Variants in MTMR2 observed in about 807,000 individuals in gnomAD.
MTMR2 encodes myotubularin related protein 2.
Under a neutral mutation model 86.9 loss-of-function variants are expected in MTMR2, and 55 were observed. The ratio of observed to expected loss-of-function variants is 0.63; its 90% CI spans 0.51 to 0.79. MTMR2 has a LOEUF of 0.79. Among genes scored for constraint, MTMR2 ranks in the 30% least tolerant of loss-of-function variants. The pLI is 0.00. For synonymous variants in MTMR2, 241 were observed against 266.8 expected (o/e 0.90, Z 0.94); for missense variants, 659 against 772.3 (o/e 0.85, Z 1.74).
At chr11:95,891,388 T>C (rs1402044399) in intron 1 of MTMR2, among the ~76,000 whole-genome samples, 3 of 151,294 alleles carry the variant, frequency 2.0e-5, no homozygotes, top group Non-Finnish European at 2.9e-5. Context: ...CAGGTAGAGG[T>C]TGCAGTGAGC....
intron 2 of MTMR2, among the ~76,000 whole-genome samples, chr11:95,874,241 T>C (rs1163294200): frequency 6.6e-6 from 1 of 152,236 alleles, no homozygotes; most frequent in Non-Finnish European, 1.5e-5. Flanking sequence ...AGTCTCTTTG[T>C]AGGTCTCTAA....
At chr11:95,880,906 C>T (rs1051942590) in intron 2 of MTMR2, among the ~76,000 whole-genome samples, 68 of 151,956 alleles carry the variant, frequency 4.5e-4, no homozygotes, top group African/African-American at 1.6e-3. Context: ...TCTTCACATA[C>T]GGAATTTGTC....
intron 2 of MTMR2, among the ~76,000 whole-genome samples, chr11:95,872,739 T>C (rs1266481692): frequency 1.3e-5 from 2 of 152,224 alleles, no homozygotes; most frequent in Non-Finnish European, 1.5e-5. Flanking sequence ...AGTATGATAC[T>C]GGCTGTGGGT....
chr11:95,900,310 A>G (rs1224793157), intron 1 of MTMR2, among the ~76,000 whole-genome samples: 1 of 152,168 alleles, frequency 6.6e-6, no homozygotes, highest in Non-Finnish European at 1.5e-5. Context: ...AAATCCATAA[A>G]ATGGAATTAT....
chr11:95,904,596 T>G (rs1226572321), intron 1 of MTMR2, among the ~76,000 whole-genome samples: 2 of 152,102 alleles, frequency 1.3e-5, no homozygotes, highest in African/African-American at 4.8e-5. Context: ...GTGACGGAGG[T>G]GACCTTTGGT....
At chr11:95,894,373 CAAAAT>C (rs1865811873) in intron 1 of MTMR2, among the ~76,000 whole-genome samples, 1 of 152,146 alleles carries the variant, frequency 6.6e-6, no homozygotes, top group Non-Finnish European at 1.5e-5. Flanking sequence ...ACAACCTTCT[CAAAAT>C]AAAACACGTA....
intron 7 of MTMR2, 100 bp from the exon 8 acceptor site, chr11:95,850,849 A>C: frequency 9.2e-7 from 1 of 1,090,570 alleles, no homozygotes; most frequent in Non-Finnish European, 1.4e-6. Flanking sequence ...GACCTCTACT[A>C]TCCATCTCCT....
At chr11:95,852,957 C>A (rs761423737) in intron 7 of MTMR2, among the ~76,000 whole-genome samples, 1 of 151,928 alleles carries the variant, frequency 6.6e-6, no homozygotes, top group African/African-American at 2.4e-5. Context: ...ACTGCTTGAA[C>A]CCAGGAGGTG....
intron 1 of MTMR2, among the ~76,000 whole-genome samples, chr11:95,910,008 T>C (rs1866434443): frequency 6.6e-6 from 1 of 152,070 alleles, no homozygotes; most frequent in African/African-American, 2.4e-5. Context: ...GAAAATTGAA[T>C]ATACATACTT....
At chr11:95,849,944 G>T in intron 8 of MTMR2, 82 bp from the exon 9 acceptor site, 1 of 1,313,566 alleles carries the variant, frequency 7.6e-7, no homozygotes, top group Non-Finnish European at 1.1e-6. Context: ...GTAAAGCTCT[G>T]CTTTCTAATT....
intron 1 of MTMR2, among the ~76,000 whole-genome samples, chr11:95,919,089 C>T (rs1395361695): frequency 6.6e-6 from 1 of 152,186 alleles, no homozygotes; most frequent in African/African-American, 2.4e-5. Context: ...CCAAACTGTT[C>T]AGCCTCCTAA....
At chr11:95,847,360 T>A (rs1304344234) in intron 10 of MTMR2, among the ~76,000 whole-genome samples, 1 of 152,158 alleles carries the variant, frequency 6.6e-6, no homozygotes, top group Non-Finnish European at 1.5e-5. Flanking sequence ...AAGTACACGC[T>A]AGTTCCTGAT....
Position 95,847,750 on chromosome 11 carries a change from A to C in MTMR2, c.1143T>G (p.Ser381=), listed in dbSNP as rs755797793. 2 of 1,613,496 alleles carry C rather than the reference A, an allele frequency of 1.2e-6. No homozygotes were observed. Among genetic ancestry groups the C allele is most frequent in the African/African-American group, 2.7e-5 (2 of 74,922 alleles). The part of the protein sequence containing the change: ...YPNIEETHWL[S]NLESTHWLEH... ...CTAGCCAATGAGTAGATTCCAAGTT[A>C]GACAACCAGTGGGTTTCCTCAATGT... The change falls in exon 10 of 15, where the codon TCT becomes TCG. Residue 381 remains serine, a synonymous_variant. Transcript: ENST00000346299.
chr11:95,888,925 T>C (rs2135550729), intron 1 of MTMR2, among the ~76,000 whole-genome samples: 1 of 152,198 alleles, frequency 6.6e-6, no homozygotes, highest in South Asian at 2.1e-4. Flanking sequence ...TGCAAAGGTA[T>C]AGAAGTATCA....
chr11:95,882,813 C>G (rs1378561519), intron 2 of MTMR2, among the ~76,000 whole-genome samples: 1 of 150,048 alleles, frequency 6.7e-6, no homozygotes, highest in Non-Finnish European at 1.5e-5. Context: ...AGCTCCGCCT[C>G]CCGGGTTCAC....
chr11:95,836,356 C>G (rs750032278), intron 13 of MTMR2, 32 bp from the exon 14 acceptor site: 1 of 1,559,652 alleles, frequency 6.4e-7, no homozygotes. Flanking sequence ...AAAGATTCTC[C>G]ACCACATAAG....
chr11:95,893,896 A>G (rs1267270803), intron 1 of MTMR2, among the ~76,000 whole-genome samples: 2 of 152,134 alleles, frequency 1.3e-5, no homozygotes, highest in Non-Finnish European at 2.9e-5. Context: ...ATCATCCCAA[A>G]CCAAAACCAA....
chr11:95,875,933 A>C (rs1044869217), intron 2 of MTMR2, among the ~76,000 whole-genome samples: 1 of 152,146 alleles, frequency 6.6e-6, no homozygotes, highest in Non-Finnish European at 1.5e-5. Context: ...TGAACAGCAA[A>C]TGTTGCTGCC....
chr11:95,857,149 C>T lies in MTMR2; in HGVS notation c.654+403G>A, dbSNP rs1361833756. 6.6e-5 allele frequency among the ~76,000 whole-genome samples: 10 copies of T among 152,048 alleles called. No individual in the cohort carries two copies. In the South Asian group the frequency reaches 1.0e-3, roughly 16 times the overall value. On this transcript the variant is annotated intron_variant, in intron 7 of 14. Transcript: ENST00000346299. ...TAGAAATGTTATAATTAAAATGCTACGTTTGAAATTTAAATACAAAAGTAA... is the reference window on the plus strand; with the variant it reads ...TAGAAATGTTATAATTAAAATGCTATGTTTGAAATTTAAATACAAAAGTAA...
Sources: gnomAD v4.1 joint callset for allele counts (sites outside exome capture counted in the v4.1 genomes callset) on GRCh38, gnomAD v4.1.1 for gene constraint, MANE v1.5 for transcripts, NCBI Gene and HGNC (gene_info 2026-07-23, HGNC 2026-07-21) for gene names.